ABCA9: variants seen among roughly 807,000 people sequenced by gnomAD.
The protein encoded by ABCA9 is ATP binding cassette subfamily A member 9.
A neutral mutation model predicts 205.3 loss-of-function variants in ABCA9; 183 were observed. That is an observed-to-expected ratio of 0.89 (90% CI 0.79 to 1.01). The LOEUF (loss-of-function observed/expected upper bound fraction) is 1.01, where lower values mean the gene tolerates loss of function less well. ABCA9 is among the 50% of genes least tolerant of loss of function. The pLI is 0.00. For missense variants in ABCA9, 1,805 were observed against 1,912.4 expected (o/e 0.94, Z 1.05); for synonymous variants, 651 against 683.3 (o/e 0.95, Z 0.74).
intron 10 of ABCA9, 36 bp downstream of exon 10, chr17:69,032,071 GT>G: frequency 6.4e-7 from 1 of 1,569,294 alleles, no homozygotes. Context: ...GTCTCTGCCT[GT>G]TCTCCATTGG....
intron 31 of ABCA9, among the ~76,000 whole-genome samples, chr17:68,987,743 TTTG>T (rs1351813470): frequency 3.6e-4 from 32 of 88,118 alleles, no homozygotes; most frequent in South Asian, 1.1e-3. Context: ...TGCGTTTTTT[TTTG>T]TTTGTTTGTT....
intron 20 of ABCA9, 77 bp from the exon 21 acceptor site, chr17:69,017,866 C>T: frequency 6.7e-7 from 1 of 1,483,296 alleles, no homozygotes; most frequent in Non-Finnish European, 9.3e-7. Context: ...TACATTACAT[C>T]ACACAAAGCA....
Position 68,975,679 on chromosome 17 carries a change from A to C in ABCA9, c.*236T>G. On this transcript the variant is annotated 3_prime_UTR_variant, in exon 39 of 39. Coordinates refer to ENST00000340001, the MANE Select transcript of ABCA9 (RefSeq NM_080283.4). ...CATTTTTAAACTTAACACAGTAGGA[A>C]ACATGGGATTTGGTTGCTGGCACAA... The C allele has an allele frequency of 2.5e-6, 1 of 406,740 alleles. No homozygotes were observed. The highest frequency in any genetic ancestry group is 4.4e-6 in the Non-Finnish European group (1 of 225,548). The allele number at this position is 406,740 out of a possible 1,614,324, so 25.2% of individuals were successfully genotyped here. A position where few individuals can be genotyped will look rare whatever the true frequency, so the allele number is the denominator to read the frequency against.
the ABCA9 span, among the ~76,000 whole-genome samples, chr17:69,066,049 C>T: frequency 4.6e-5 from 7 of 152,208 alleles, no homozygotes; most frequent in African/African-American, 1.7e-4. Flanking sequence ...AACCTCTTTT[C>T]CTTATAAATT....
At chr17:68,985,559 T>C (rs1369630859) in intron 32 of ABCA9, among the ~76,000 whole-genome samples, 1 of 151,782 alleles carries the variant, frequency 6.6e-6, no homozygotes, top group Non-Finnish European at 1.5e-5. Flanking sequence ...GAGGTGGAGG[T>C]TGCAGTGAGC....
chr17:68,999,515 C>A (rs1179495558), intron 25 of ABCA9, among the ~76,000 whole-genome samples: 1 of 139,184 alleles, frequency 7.2e-6, no homozygotes, highest in East Asian at 2.0e-4. Flanking sequence ...TTTTCTTAAT[C>A]CAGTCTATCA....
rs2071090161 is a variant in ABCA9, at chr17:69,029,360, C to G, written c.1446-133G>C. 7 of 555,720 alleles carry G rather than the reference C, an allele frequency of 1.3e-5. No individual in the cohort carries two copies. The East Asian group carries it at 1.6e-4, about 13-fold the overall frequency. 34.4% of individuals were successfully genotyped at this position (555,720 alleles called of 1,614,324 possible). On this transcript the variant is annotated intron_variant, in intron 10 of 38. Coordinates refer to ENST00000340001, the MANE Select transcript of ABCA9 (RefSeq NM_080283.4). ...TTTCTTGTAAAGCCTCAAAGAAAAT[C>G]TGGGGATTATTTTCTTTCACACAGG...
Position 69,027,244 on chromosome 17 carries a change from C to T in ABCA9, c.1911+86G>A, listed in dbSNP as rs16973521. 9 of 1,561,514 alleles carry T rather than the reference C, an allele frequency of 5.8e-6. No homozygotes were observed. In the East Asian group the frequency reaches 6.8e-5, roughly 12 times the overall value. On this transcript the variant is annotated intron_variant, in intron 14 of 38. Transcript: ENST00000340001. ...ATATTTCATCCTAAAAGTTCTCTTA[C>T]ATTTATCATTTGAAAATTGTTTGAC...
chr17:69,038,298 C>T (rs769631057), intron 6 of ABCA9, among the ~76,000 whole-genome samples: 3 of 152,180 alleles, frequency 2.0e-5, no homozygotes, highest in African/African-American at 7.2e-5. Flanking sequence ...TCCTGATGAA[C>T]ATTGATGCAA....
the ABCA9 span, among the ~76,000 whole-genome samples, chr17:69,067,189 A>G: frequency 6.6e-6 from 1 of 152,128 alleles, no homozygotes; most frequent in East Asian, 1.9e-4. Flanking sequence ...CTATTTTTGT[A>G]TGAATGGAAA....
upstream of ABCA9, among the ~76,000 whole-genome samples, chr17:69,065,746 C>T (rs113266165): frequency 3.5e-4 from 53 of 152,244 alleles, no homozygotes; most frequent in East Asian, 7.5e-3. Context: ...ACAGTTTGGC[C>T]GTGTCCCCCC....
chr17:68,977,763 T>G (rs543180772), intron 37 of ABCA9, among the ~76,000 whole-genome samples: 10 of 152,296 alleles, frequency 6.6e-5, no homozygotes, highest in African/African-American at 2.4e-4. Flanking sequence ...CCAAGAACAT[T>G]TGGAGGAAAA....
chr17:69,070,657 C>G, the ABCA9 span, among the ~76,000 whole-genome samples: 57 of 152,294 alleles, frequency 3.7e-4, 1 homozygote, highest in South Asian at 0.011. Flanking sequence ...AAGCACAAAG[C>G]TGGATGGCCA....
intron 11 of ABCA9, among the ~76,000 whole-genome samples, chr17:69,028,930 AAG>A (rs2071078038): frequency 6.6e-6 from 1 of 152,210 alleles, no homozygotes; most frequent in South Asian, 2.1e-4. Flanking sequence ...AGCTGAAACA[AAG>A]AATTTCATAA....
intron 30 of ABCA9, among the ~76,000 whole-genome samples, chr17:68,989,398 G>A (rs1366785114): frequency 6.6e-6 from 1 of 151,972 alleles, no homozygotes; most frequent in African/African-American, 2.4e-5. Flanking sequence ...AGGCTGAGCT[G>A]GAAGTTGTAA....
intron 23 of ABCA9, among the ~76,000 whole-genome samples, chr17:69,011,489 G>A (rs1704252987): frequency 6.6e-6 from 1 of 152,174 alleles, no homozygotes; most frequent in South Asian, 2.1e-4. Flanking sequence ...AGGACATGAA[G>A]ACATGGGAGA....
intron 22 of ABCA9, among the ~76,000 whole-genome samples, chr17:69,014,958 A>G (rs77483543): frequency 0.055 from 8,413 of 152,184 alleles, 779 homozygotes; most frequent in African/African-American, 0.19. Context: ...AGACAATTAC[A>G]TGGGTCACCT....
chr17:68,988,325 C>T (rs148890235), intron 31 of ABCA9, among the ~76,000 whole-genome samples: 76 of 152,244 alleles, frequency 5.0e-4, no homozygotes, highest in African/African-American at 1.8e-3. Context: ...TTTTGTTTTG[C>T]AATTTAGATA....
intron 37 of ABCA9, among the ~76,000 whole-genome samples, chr17:68,977,825 G>A (rs557552016): frequency 2.6e-5 from 4 of 152,162 alleles, no homozygotes; most frequent in Non-Finnish European, 5.9e-5. Context: ...TTCACATATT[G>A]GAGCAAGAAA....
Sources: gnomAD v4.1 joint callset for allele counts (sites outside exome capture counted in the v4.1 genomes callset) on GRCh38, gnomAD v4.1.1 for gene constraint, MANE v1.5 for transcripts, NCBI Gene and HGNC (gene_info 2026-07-23, HGNC 2026-07-21) for gene names.